Variants in COPA observed in about 807,000 individuals in gnomAD.
COPA encodes coatomer subunit alpha.
Under a neutral mutation model 158.7 loss-of-function variants are expected in COPA, and 10 were observed. The ratio of observed to expected loss-of-function variants is 0.06; its 90% CI spans 0.04 to 0.11. The LOEUF (loss-of-function observed/expected upper bound fraction) is 0.11. COPA is among the 10% of genes least tolerant of loss of function. COPA has a pLI of 1.00. For synonymous variants in COPA, 462 were observed against 542.8 expected, an observed-to-expected ratio of 0.85 and a Z score of 2.07; for missense variants, 1,065 against 1,536.7, an observed-to-expected ratio of 0.69 and a Z score of 5.13.
chr1:160,311,924 G>C lies in COPA; in HGVS notation c.1020C>G (p.Phe340Leu). 1 of 1,614,076 alleles carries C rather than the reference G, an allele frequency of 6.2e-7. No individual in the cohort carries two copies. Among genetic ancestry groups the C allele is most frequent in the Non-Finnish European group, 8.5e-7 (1 of 1,179,966 alleles). The change falls in exon 11 of 33, where the codon TTC (phenylalanine) becomes TTG (leucine). Residue 340 changes from phenylalanine (F) to leucine (L), a missense_variant. Physicochemically the swap from Phe to Leu is conservative, Grantham distance 22. This residue lies in a region of COPA where 980 missense variants were observed against 1,357.8 expected (regional missense o/e 0.72). Coordinates refer to ENST00000241704, the MANE Select transcript of COPA (RefSeq NM_004371.4). ...GNMLHYVKDRFLRQLDFNSSK... is the reference protein window; with the variant it reads ...GNMLHYVKDRLLRQLDFNSSK... ...AGCTGTTGAAATCCAGCTGTCGTAA[G>C]AATCGGTCCTTGACATAGTGTAGCA...
Position 160,305,414 on chromosome 1 carries a change from T to C in COPA, c.1667+19A>G. The C allele has an allele frequency of 6.2e-7, 1 of 1,612,382 alleles. No homozygotes were observed. Among genetic ancestry groups the C allele is most frequent in the Non-Finnish European group, 8.5e-7 (1 of 1,178,686 alleles). ...GGAAGCTGTCTTCTCCCATTCTGTA[T>C]CCCAGATAATTAACTTACCCAGTGG... On this transcript the variant is annotated intron_variant, in intron 17 of 32. Coordinates refer to ENST00000241704, the MANE Select transcript of COPA (RefSeq NM_004371.4).
chr1:160,316,920 C>A (rs1477512012), intron 8 of COPA, among the ~76,000 whole-genome samples: 1 of 152,026 alleles, frequency 6.6e-6, no homozygotes. Context: ...AGTAAGACTA[C>A]CCTAAGGCAT....
chr1:160,322,384 T>C (rs938470035), intron 8 of COPA, among the ~76,000 whole-genome samples: 3 of 152,214 alleles, frequency 2.0e-5, no homozygotes, highest in Admixed American at 1.3e-4. Context: ...GGTAACTATA[T>C]GCAGAAGAAT....
intron 7 of COPA, among the ~76,000 whole-genome samples, chr1:160,324,856 G>T (rs2101862173): frequency 6.6e-6 from 1 of 152,226 alleles, no homozygotes; most frequent in East Asian, 1.9e-4. Context: ...CTGATTTTAA[G>T]ATACTGTATA....
chr1:160,311,671 C>T (rs907907127), intron 11 of COPA, among the ~76,000 whole-genome samples, 197 bp downstream of exon 11: 9 of 151,772 alleles, frequency 5.9e-5, no homozygotes, highest in Admixed American at 6.6e-5. Flanking sequence ...GGTGTGAACC[C>T]GGGAGGCGGA....
chr1:160,336,909 A>G (rs1216236090), intron 3 of COPA, among the ~76,000 whole-genome samples: 3 of 121,966 alleles, frequency 2.5e-5, no homozygotes, highest in African/African-American at 7.8e-5. Context: ...CATGCTCAAC[A>G]CTATACCCTT....
chr1:160,321,424 T>A (rs940275717), intron 8 of COPA, among the ~76,000 whole-genome samples: 5 of 152,184 alleles, frequency 3.3e-5, no homozygotes. Context: ...ATCATATACT[T>A]AGAAAAACCT....
chr1:160,338,756 T>C (rs1647899920), intron 3 of COPA, among the ~76,000 whole-genome samples: 1 of 152,152 alleles, frequency 6.6e-6, no homozygotes, highest in African/African-American at 2.4e-5. Context: ...AGAGGCTTCT[T>C]CTCCCTCTTG....
At position 160,291,342 on chromosome 1, in the gene COPA, G is replaced by A. The variant is rs368351562; in HGVS notation, c.3413C>T (p.Ala1138Val). Residue 1138 changes from alanine to valine, a missense_variant, in exon 31 of 33, where the codon GCC becomes GTC. Ala to Val is a moderately conservative substitution (Grantham distance 64). This residue lies in a region of COPA where 980 missense variants were observed against 1,357.8 expected (regional missense o/e 0.72). Transcript: ENST00000241704. ...LLELGPKPEV[A>V]QQTRKILSAC... ...TGAAGGAGTTCCATCTACCTGTTGG[G>A]CCACCTCAGGCTTGGGCCCGAGTTC... 5.6e-6 allele frequency: 9 copies of A among 1,613,316 alleles called. No individual in the cohort carries two copies. The highest frequency in any genetic ancestry group is 7.6e-6 in the Non-Finnish European group (9 of 1,179,856).
At chr1:160,335,141 A>C (rs1647698994) in intron 4 of COPA, 101 bp downstream of exon 4, 1 of 1,095,676 alleles carries the variant, frequency 9.1e-7, no homozygotes, top group South Asian at 1.6e-5. Flanking sequence ...GCCACTCCAA[A>C]AACAACTCTA....
intron 17 of COPA, 98 bp downstream of exon 17, chr1:160,305,334 TG>T (rs1229039202): frequency 7.9e-7 from 1 of 1,272,578 alleles, no homozygotes; most frequent in Non-Finnish European, 1.1e-6. Context: ...GGCTTTTCCA[TG>T]AAGAAAATTC....
At chr1:160,311,831 T>C in intron 11 of COPA, 37 bp downstream of exon 11, 3 of 1,586,426 alleles carry the variant, frequency 1.9e-6, no homozygotes, top group Non-Finnish European at 2.6e-6. Flanking sequence ...GGGTGACAGA[T>C]GAGAGGGTTT....
At chr1:160,338,240 T>C (rs886975886) in intron 3 of COPA, among the ~76,000 whole-genome samples, 6 of 152,248 alleles carry the variant, frequency 3.9e-5, no homozygotes, top group Non-Finnish European at 4.4e-5. Context: ...AATGAGGTGA[T>C]ATCCTTATGG....
At chr1:160,308,364 G>A (rs972845282) in intron 13 of COPA, among the ~76,000 whole-genome samples, 10 of 152,086 alleles carry the variant, frequency 6.6e-5, no homozygotes, top group Non-Finnish European at 1.3e-4. Flanking sequence ...ATAACCCAGG[G>A]GCACCCACAA....
At chr1:160,304,425 G>A (rs1023996489) in intron 17 of COPA, among the ~76,000 whole-genome samples, 2 of 151,892 alleles carry the variant, frequency 1.3e-5, no homozygotes, top group Admixed American at 1.3e-4. Context: ...CAGCACTTTG[G>A]GGGGCCAAGG....
At chr1:160,318,711 C>G (rs1659239947) in intron 8 of COPA, among the ~76,000 whole-genome samples, 4 of 151,870 alleles carry the variant, frequency 2.6e-5, no homozygotes, top group Admixed American at 2.0e-4. Context: ...AAGGCAGGAA[C>G]AGAAATGGAG....
At chr1:160,322,016 A>C (rs1659344404) in intron 8 of COPA, among the ~76,000 whole-genome samples, 1 of 152,156 alleles carries the variant, frequency 6.6e-6, no homozygotes, top group South Asian at 2.1e-4. Flanking sequence ...TATTGTAAAA[A>C]TGATAGGGTA....
intron 8 of COPA, among the ~76,000 whole-genome samples, chr1:160,318,468 T>TAAA (rs71090307): frequency 3.9e-3 from 61 of 15,604 alleles, no homozygotes; most frequent in East Asian, 0.016. Context: ...ACAATATTTG[T>TAAA]AAAAAAAAAA....
chr1:160,317,736 C>T (rs555024375), intron 8 of COPA: 1 of 1,297,818 alleles, frequency 7.7e-7, no homozygotes, highest in African/African-American at 1.5e-5. Context: ...TCTTTTCCCT[C>T]AATCCTTTCT....
Sources: allele counts gnomAD v4.1 joint callset (sites outside exome capture counted in the v4.1 genomes callset), GRCh38; gene constraint gnomAD v4.1.1; regional missense constraint gnomAD v4.1.1; transcripts MANE v1.5; gene names NCBI Gene and HGNC (gene_info 2026-07-23, HGNC 2026-07-21).